WDR89: variants seen among roughly 807,000 people sequenced by gnomAD.
WDR89 encodes the protein WD repeat-containing protein 89.
Under a neutral mutation model 29.1 loss-of-function variants are expected in WDR89, and 17 were observed. The ratio of observed to expected loss-of-function variants is 0.58; its 90% CI spans 0.40 to 0.88. The LOEUF (loss-of-function observed/expected upper bound fraction) is 0.88. Ranked by LOEUF, WDR89 falls within the 40% of genes least tolerant of loss-of-function variation. The pLI, the probability that WDR89 is intolerant of heterozygous loss-of-function variation, is 0.00. For missense variants in WDR89, 396 were observed against 456.3 expected (o/e 0.87, Z 1.20); for synonymous variants, 138 against 157.8 (o/e 0.87, Z 0.94).
chr14:63,629,472 A>C (rs994107585), intron 1 of WDR89, among the ~76,000 whole-genome samples: 2 of 152,206 alleles, frequency 1.3e-5, no homozygotes, highest in African/African-American at 2.4e-5. Flanking sequence ...AAAGTCTGAC[A>C]ATCAGTGGTT....
rs1566787402 is a variant in WDR89, at chr14:63,598,895, G to A, written c.1048C>T (p.Pro350Ser). Residue 350 changes from proline to serine, a missense_variant, in exon 3 of 3, where the codon CCT becomes TCT. Pro to Ser is a moderately conservative substitution (Grantham distance 74, BLOSUM62 -1). Transcript: ENST00000620954. ...GEDAQLLLWK[P>S]GAIEKTFTKK... ...GTAAAGGTCTTCTCTATAGCTCCAG[G>A]TTTCCAAAGTAACAACTGTGCATCT... The A allele has an allele frequency of 1.2e-6, 2 of 1,614,126 alleles. No individual in the cohort carries two copies. The highest frequency in any genetic ancestry group is 1.7e-5 in the Admixed American group (1 of 60,008).
chr14:63,600,019 G>A, intron 2 of WDR89, 46 bp from the exon 3 acceptor site: 1 of 1,149,820 alleles, frequency 8.7e-7, no homozygotes, highest in Non-Finnish European at 1.1e-6. Context: ...TGCTTAACAA[G>A]GGAGACACAT....
chr14:63,606,810 A>G (rs1477958719), intron 2 of WDR89, among the ~76,000 whole-genome samples: 2 of 152,192 alleles, frequency 1.3e-5, no homozygotes, highest in African/African-American at 4.8e-5. Context: ...TATTATCACT[A>G]TTTTACAAAG....
rs1337727017 is a variant in WDR89, at chr14:63,616,133, T to C, written c.-32+8795A>G. Among the ~76,000 whole-genome samples the C allele has an allele frequency of 3.9e-5, 6 of 152,028 alleles. No individual in the cohort carries two copies. The East Asian group carries it at 5.8e-4, about 15-fold the overall frequency. ...GCTAAATGTACAGGGCGTGGTGGCC[T>C]GGTGGTAGTCTCAGCTACTTGAGAT... On this transcript the variant is annotated intron_variant, in intron 2 of 2. Coordinates refer to ENST00000620954, the MANE Select transcript of WDR89 (RefSeq NM_080666.4).
intron 1 of WDR89, among the ~76,000 whole-genome samples, chr14:63,638,034 C>T (rs182088605): frequency 1.3e-5 from 2 of 152,252 alleles, no homozygotes; most frequent in Admixed American, 1.3e-4. Context: ...CAACCTCCGC[C>T]TCCCAGGTTC....
chr14:63,624,016 CT>C (rs762153840), intron 2 of WDR89, among the ~76,000 whole-genome samples: 1 of 151,814 alleles, frequency 6.6e-6, no homozygotes, highest in Non-Finnish European at 1.5e-5. Flanking sequence ...GATCATAGAC[CT>C]AAATGTAAAA....
intron 1 of WDR89, among the ~76,000 whole-genome samples, chr14:63,626,442 G>T (rs554628223): frequency 1.3e-5 from 2 of 150,160 alleles, no homozygotes; most frequent in African/African-American, 4.9e-5. Context: ...AGGCCAAGGT[G>T]GGCAGAACAC....
chr14:63,597,162 G>C lies in WDR89; in HGVS notation c.*1617C>G, dbSNP rs1212002821. 1 of 152,160 alleles carries C rather than the reference G, an allele frequency of 6.6e-6. No individual in the cohort carries two copies. Among genetic ancestry groups the C allele is most frequent in the African/African-American group, 2.4e-5 (1 of 41,440 alleles). 9.4% of individuals were successfully genotyped at this position (152,160 alleles called of 1,614,324 possible). ...AAGCACCTTCTTCACAAGGCTTCAG[G>C]AGAAAGAGTGAGGAGTTAAAGGGGC... On this transcript the variant is annotated 3_prime_UTR_variant, in exon 3 of 3. Transcript: ENST00000620954.
At chr14:63,623,585 T>C (rs1882844292) in intron 2 of WDR89, among the ~76,000 whole-genome samples, 1 of 151,330 alleles carries the variant, frequency 6.6e-6, no homozygotes, top group Non-Finnish European at 1.5e-5. Flanking sequence ...GTGCCTGTCA[T>C]CTCAGCTACT....
In WDR89 at chr14:63,598,649, A is replaced by G. The variant is rs2139822167; in HGVS notation, c.*130T>C. ...AGACCGGAATTAAACCATTCTCACC[A>G]TATTTTTCCAGGACTGTTTGCTAAC... On this transcript the variant is annotated 3_prime_UTR_variant, in exon 3 of 3. Transcript: ENST00000620954. 2 of 781,506 alleles carry G rather than the reference A, an allele frequency of 2.6e-6. No homozygotes were observed. Among genetic ancestry groups the G allele is most frequent in the East Asian group, 3.0e-5 (1 of 33,710 alleles). The allele number at this position is 781,506 out of a possible 1,614,324, so 48.4% of individuals were successfully genotyped here.
chr14:63,600,821 C>T (rs61984030), intron 2 of WDR89, among the ~76,000 whole-genome samples: 16 of 131,426 alleles, frequency 1.2e-4, no homozygotes, highest in Non-Finnish European at 1.7e-4. Context: ...CAAAGGAAAA[C>T]TGAAGTTGTA....
At chr14:63,638,718 T>C (rs1478122451) in intron 1 of WDR89, among the ~76,000 whole-genome samples, 2 of 152,240 alleles carry the variant, frequency 1.3e-5, no homozygotes, top group Non-Finnish European at 2.9e-5. Context: ...ACTTAGGTTA[T>C]TTTCACAGTA....
chr14:63,624,601 A>G (rs1882917300), intron 2 of WDR89, among the ~76,000 whole-genome samples: 1 of 152,164 alleles, frequency 6.6e-6, no homozygotes, highest in African/African-American at 2.4e-5. Flanking sequence ...AGAATATATA[A>G]AGAATTCTTG....
intron 2 of WDR89, 142 bp downstream of exon 2, chr14:63,624,786 C>T (rs1406198373): frequency 1.3e-5 from 2 of 151,938 alleles, no homozygotes; most frequent in Non-Finnish European, 2.9e-5. Context: ...TGCTAAAATG[C>T]CTACAATTAA....
chr14:63,609,792 A>AAAAAT (rs1026032386), intron 2 of WDR89, among the ~76,000 whole-genome samples: 60 of 152,214 alleles, frequency 3.9e-4, no homozygotes, highest in South Asian at 6.2e-4. Flanking sequence ...GTCTCAACAA[A>AAAAAT]AAAATAAAAT....
At chr14:63,617,324 A>G (rs1380723872) in intron 2 of WDR89, among the ~76,000 whole-genome samples, 1 of 152,024 alleles carries the variant, frequency 6.6e-6, no homozygotes, top group Non-Finnish European at 1.5e-5. Flanking sequence ...CAGGTGATCT[A>G]CCAACCTCAG....
rs1307277653 is a variant in WDR89 at position 63,597,046 on chromosome 14, TAAAGG to T, written c.*1728_*1732del. 2.0e-5 allele frequency: 3 copies of T among 152,170 alleles called. No individual in the cohort carries two copies. The highest frequency in any genetic ancestry group is 2.0e-4 in the Admixed American group (3 of 15,278). The allele number at this position is 152,170 out of a possible 1,614,324, so 9.4% of individuals were successfully genotyped here. A position where few individuals can be genotyped will look rare whatever the true frequency, so the allele number is the denominator to read the frequency against. On this transcript the variant is annotated 3_prime_UTR_variant, in exon 3 of 3. Coordinates refer to ENST00000620954, the MANE Select transcript of WDR89 (RefSeq NM_080666.4). The stretch of plus-strand genomic sequence containing the variant: ...TAACTGCCCAAGACTGGGTAATTTA[TAAAGG>T]AAAGTGTTTAATTGACTGAAGAGTT...
intron 1 of WDR89, among the ~76,000 whole-genome samples, chr14:63,637,887 AATC>A (rs2139582867): frequency 6.6e-6 from 1 of 152,264 alleles, no homozygotes; most frequent in East Asian, 1.9e-4. Flanking sequence ...AAATCTCACA[AATC>A]ATCACTAAAG....
chr14:63,629,724 A>G (rs1249810812), intron 1 of WDR89, among the ~76,000 whole-genome samples: 2 of 152,246 alleles, frequency 1.3e-5, no homozygotes, highest in Non-Finnish European at 2.9e-5. Flanking sequence ...GGCAGGTCTT[A>G]GAGTTGTCTA....
Sources: gnomAD v4.1 joint callset for allele counts (sites outside exome capture counted in the v4.1 genomes callset) on GRCh38, gnomAD v4.1.1 for gene constraint, MANE v1.5 for transcripts, NCBI Gene and HGNC (gene_info 2026-07-23, HGNC 2026-07-21) for gene names.